The following ALK variants were observed in gnomAD, a reference collection of about 807,000 sequenced individuals.
ALK encodes the protein ALK tyrosine kinase receptor.
ALK carries 74 observed loss-of-function variants against 163.1 expected under a neutral mutation model. That is an observed-to-expected ratio of 0.45 (90% CI 0.38 to 0.55). The LOEUF is 0.55. Among genes scored for constraint, ALK ranks in the 20% least tolerant of loss-of-function variants. The probability of loss-of-function intolerance (pLI) is 0.00; values close to 1 mark genes in which losing one functional copy is unlikely to be tolerated. For missense variants in ALK, 2,063 were observed against 2,105.3 expected, an observed-to-expected ratio of 0.98 and a Z score of 0.39; for synonymous variants, 960 against 843.2, an observed-to-expected ratio of 1.14 and a Z score of -2.40.
rs2148197677 is a variant in ALK, at chr2:29,251,254, G to A, written c.2055C>T (p.Phe685=). ...GGGGCCCGCTGGCCCCACATGTGGT[G>A]AACAGCCAATGAACTGTGGCACAAG... is the stretch of plus-strand genomic sequence containing the variant. The part of the protein sequence containing the change: ...PIFDPTVHWL[F]TTCGASGPHG... Residue 685 remains phenylalanine (F), a synonymous_variant, in exon 12 of 29, where the codon TTC becomes TTT. Transcript: ENST00000389048. The A allele has an allele frequency of 6.2e-7, 1 of 1,613,556 alleles. No individual in the cohort carries two copies. The highest frequency in any genetic ancestry group is 8.5e-7 in the Non-Finnish European group (1 of 1,179,884).
At position 29,740,535 on chromosome 2, in the gene ALK, A is replaced by G. The variant is rs116475219; in HGVS notation, c.668-22838T>C. 1.5e-3 allele frequency among the ~76,000 whole-genome samples: 226 copies of G among 152,344 alleles called. 2 individuals carry two copies. In the East Asian group the frequency reaches 0.017, roughly 11 times the overall value. On this transcript the variant is annotated intron_variant, in intron 1 of 28. Transcript: ENST00000389048. ...CCTACCTGCTTCAAAGGACTATTGA[A>G]AGGAACATATTAAAAATGAGAGAAG...
chr2:29,243,701 A>C (rs1664581786), intron 12 of ALK, among the ~76,000 whole-genome samples: 1 of 152,210 alleles, frequency 6.6e-6, no homozygotes, highest in Non-Finnish European at 1.5e-5. Context: ...GAATCACGTT[A>C]CACAAACTCA....
At chr2:29,644,956 C>G (rs879465214) in intron 3 of ALK, among the ~76,000 whole-genome samples, 33 of 152,224 alleles carry the variant, frequency 2.2e-4, no homozygotes, top group African/African-American at 7.5e-4. Context: ...TGCAAGGACT[C>G]CAGGCCAAGC....
intron 1 of ALK, 89 bp downstream of exon 1, chr2:29,919,904 G>T (rs1667941322): frequency 8.8e-6 from 13 of 1,485,404 alleles, no homozygotes; most frequent in South Asian, 1.3e-5. Flanking sequence ...GTTTTAGAAA[G>T]TGGGGTGGAA....
intron 3 of ALK, among the ~76,000 whole-genome samples, chr2:29,692,088 A>T (rs1320061422): frequency 6.6e-6 from 1 of 152,234 alleles, no homozygotes; most frequent in African/African-American, 2.4e-5. Context: ...TTACAAGCCC[A>T]GCTATGCCTC....
chr2:29,616,124 A>G (rs1675838255), intron 3 of ALK, among the ~76,000 whole-genome samples: 1 of 152,232 alleles, frequency 6.6e-6, no homozygotes, highest in Non-Finnish European at 1.5e-5. Context: ...CAGGCATATT[A>G]TGTCACGAGA....
At chr2:29,817,119 C>T (rs1263843710) in intron 1 of ALK, among the ~76,000 whole-genome samples, 1 of 151,690 alleles carries the variant, frequency 6.6e-6, no homozygotes, top group East Asian at 1.9e-4. Context: ...GGTCACACAG[C>T]TTCAACACTG....
At chr2:29,616,349 C>T (rs558920220) in intron 3 of ALK, among the ~76,000 whole-genome samples, 2 of 152,268 alleles carry the variant, frequency 1.3e-5, no homozygotes, top group Admixed American at 1.3e-4. Context: ...AAGGGCAGAG[C>T]CACCAGACGT....
intron 1 of ALK, among the ~76,000 whole-genome samples, chr2:29,778,080 C>T (rs543729435): frequency 1.3e-5 from 2 of 152,182 alleles, no homozygotes; most frequent in Non-Finnish European, 2.9e-5. Context: ...ATTACTACAG[C>T]GGGTCTTCAA....
chr2:29,564,166 G>A (rs1674107261), intron 3 of ALK, among the ~76,000 whole-genome samples: 1 of 152,052 alleles, frequency 6.6e-6, no homozygotes. Context: ...GCGGTGAGTG[G>A]TGCGAGCTTT....
chr2:29,393,899 T>C lies in ALK; in HGVS notation c.1155-10040A>G, dbSNP rs544891184. On this transcript the variant is annotated intron_variant, in intron 4 of 28. Transcript: ENST00000389048. ...TAATTACTGTTGAATTAGGTGTGAA[T>C]GGGGCAACAGAAAGATCAGGAAACA... Among the ~76,000 whole-genome samples the C allele has an allele frequency of 3.3e-5, 5 of 152,306 alleles. No individual in the cohort carries two copies. The South Asian group carries it at 1.0e-3, about 32-fold the overall frequency.
At chr2:29,787,679 AG>A (rs1664074481) in intron 1 of ALK, among the ~76,000 whole-genome samples, 1 of 152,200 alleles carries the variant, frequency 6.6e-6, no homozygotes, top group African/African-American at 2.4e-5. Context: ...GTCTGTAGAG[AG>A]GAAGCAGTAA....
chr2:29,346,107 C>A (rs1667941306), intron 5 of ALK, among the ~76,000 whole-genome samples: 1 of 152,118 alleles, frequency 6.6e-6, no homozygotes, highest in Admixed American at 6.5e-5. Flanking sequence ...TGAGTCAGTC[C>A]TTCTTTTTCC....
chr2:29,584,231 A>G (rs1297558844), intron 3 of ALK, among the ~76,000 whole-genome samples: 1 of 152,222 alleles, frequency 6.6e-6, no homozygotes, highest in Non-Finnish European at 1.5e-5. Context: ...CAGGGAGTCC[A>G]TGAACATTCC....
intron 1 of ALK, among the ~76,000 whole-genome samples, chr2:29,721,722 T>TA (rs747985036): frequency 6.6e-6 from 1 of 152,216 alleles, no homozygotes; most frequent in Non-Finnish European, 1.5e-5. Context: ...GATCTGCTGT[T>TA]ACAATGGTCC....
intron 23 of ALK, among the ~76,000 whole-genome samples, chr2:29,216,060 G>T (rs977516110): frequency 9.9e-5 from 15 of 152,194 alleles, no homozygotes; most frequent in Admixed American, 9.2e-4. Flanking sequence ...GGCAGAGGGG[G>T]TACCTCTGCA....
chr2:29,446,555 A>G (rs1212286600), intron 4 of ALK, among the ~76,000 whole-genome samples: 1 of 152,194 alleles, frequency 6.6e-6, no homozygotes, highest in Non-Finnish European at 1.5e-5. Flanking sequence ...TGGATACACT[A>G]AATCTGGGTT....
intron 1 of ALK, among the ~76,000 whole-genome samples, chr2:29,845,315 T>C (rs1410732017): frequency 1.3e-5 from 2 of 152,216 alleles, no homozygotes; most frequent in Non-Finnish European, 2.9e-5. Context: ...ACTTTAATTC[T>C]GGGGGATGTT....
intron 4 of ALK, among the ~76,000 whole-genome samples, chr2:29,415,215 G>A (rs752556657): frequency 6.0e-5 from 9 of 150,736 alleles, no homozygotes; most frequent in African/African-American, 9.8e-5. Flanking sequence ...ATAACATCAG[G>A]TACTCTTTAT....
Sources: gnomAD v4.1 joint callset for allele counts (sites outside exome capture counted in the v4.1 genomes callset) on GRCh38, gnomAD v4.1.1 for gene constraint, MANE v1.5 for transcripts, NCBI Gene and HGNC (gene_info 2026-07-23, HGNC 2026-07-21) for gene names.